KREMEN1: variants seen among roughly 807,000 people sequenced by gnomAD.
The protein encoded by KREMEN1 is kremen protein 1.
A neutral mutation model predicts 46.5 loss-of-function variants in KREMEN1; 30 were observed. The ratio of observed to expected loss-of-function variants is 0.65; its 90% CI spans 0.48 to 0.88. The LOEUF (loss-of-function observed/expected upper bound fraction) is 0.88. KREMEN1 is among the 40% of genes least tolerant of loss of function. The pLI is 0.00. For missense variants in KREMEN1, 533 were observed against 596.9 expected (o/e 0.89, Z 1.11); for synonymous variants, 214 against 230.6 (o/e 0.93, Z 0.65).
At chr22:29,138,021 G>A (rs1311195920) in intron 6 of KREMEN1, among the ~76,000 whole-genome samples, 1 of 152,222 alleles carries the variant, frequency 6.6e-6, no homozygotes, top group African/African-American at 2.4e-5. Flanking sequence ...CATCTGGTCC[G>A]TCCTCCTTCC....
chr22:29,103,539 T>C (rs919905260), intron 3 of KREMEN1, among the ~76,000 whole-genome samples: 2 of 152,228 alleles, frequency 1.3e-5, no homozygotes, highest in Non-Finnish European at 2.9e-5. Flanking sequence ...CCAGAATGTT[T>C]CTCAGAAACC....
In KREMEN1 at chr22:29,145,459, G is replaced by A. The variant is rs734950; in HGVS notation, c.*3347G>A. ...CGTGCCATCCTCACCCCTGTTCCCCGCTGGCGCCAGGCCCTGCCTTCTTGG... is the reference window on the plus strand; with the variant it reads ...CGTGCCATCCTCACCCCTGTTCCCCACTGGCGCCAGGCCCTGCCTTCTTGG... On this transcript the variant is annotated 3_prime_UTR_variant, in exon 9 of 9. Transcript: ENST00000400335. 250,680 of 985,400 alleles carry A rather than the reference G, an allele frequency of 0.25. 34,023 individuals are homozygous for A. Among genetic ancestry groups the A allele is most frequent in the East Asian group, 0.57 (4,975 of 8,784 alleles). 61.0% of individuals were successfully genotyped at this position (985,400 alleles called of 1,614,324 possible).
intron 9 of KREMEN1, among the ~76,000 whole-genome samples, chr22:29,164,757 C>CA (rs1221123419): frequency 3.1e-4 from 40 of 129,398 alleles, no homozygotes; most frequent in East Asian, 1.3e-3. Context: ...AAAAAAAAAA[C>CA]AAAAAAAAAA....
Position 29,073,237 on chromosome 22 carries a change from A to G in KREMEN1, c.97+10A>G. 2 of 1,131,392 alleles carry G rather than the reference A, an allele frequency of 1.8e-6. No individual in the cohort carries two copies. Among genetic ancestry groups the G allele is most frequent in the Middle Eastern group, 3.4e-4 (1 of 2,914 alleles). The allele number at this position is 1,131,392 out of a possible 1,614,324, so 70.1% of individuals were successfully genotyped here. On this transcript the variant is annotated intron_variant, in intron 1 of 8. Transcript: ENST00000400335. The surrounding 1 kb of genome is among the most constrained non-coding windows in gnomAD (Gnocchi z 4.4). ...CTCGGCCCCGGACCCGGTGAGTGTG[A>G]GCGACCCCCCGCCGCCCGCCCTGAG...
At chr22:29,147,637 T>C (rs1032169555), downstream of KREMEN1, among the ~76,000 whole-genome samples, 1 of 152,184 alleles carries the variant, frequency 6.6e-6, no homozygotes, top group Non-Finnish European at 1.5e-5. Flanking sequence ...TTAGAAAGCA[T>C]TCCTCCTTGC....
chr22:29,128,441 A>G (rs2038479511), intron 5 of KREMEN1, among the ~76,000 whole-genome samples: 2 of 152,188 alleles, frequency 1.3e-5, no homozygotes, highest in African/African-American at 4.8e-5. Flanking sequence ...GAATTAGTAC[A>G]TTTTTATTGG....
intron 3 of KREMEN1, among the ~76,000 whole-genome samples, chr22:29,112,950 A>AG (rs134682): frequency 1 from 152,302 of 152,304 alleles, 76,150 homozygotes; most frequent in Non-Finnish European, 1. Context: ...GACAAGTCAG[A>AG]GGCAGTGGCC....
At chr22:29,111,613 C>CAAAA (rs33999396) in intron 3 of KREMEN1, 1 of 88,950 alleles carries the variant, frequency 1.1e-5, no homozygotes, top group Non-Finnish European at 2.1e-5. Context: ...GACTCCGTCT[C>CAAAA]AAAAAAAAAA....
At chr22:29,108,324 A>G (rs1338441371) in intron 3 of KREMEN1, among the ~76,000 whole-genome samples, 1 of 152,220 alleles carries the variant, frequency 6.6e-6, no homozygotes, top group Non-Finnish European at 1.5e-5. Flanking sequence ...ATGAAGTCTT[A>G]TCTCTTCCTC....
intron 3 of KREMEN1, among the ~76,000 whole-genome samples, chr22:29,115,916 G>A (rs1010838516): frequency 8.5e-5 from 13 of 152,200 alleles, no homozygotes; most frequent in African/African-American, 3.1e-4. Flanking sequence ...GTGAGCTGAA[G>A]GGTAGACAGG....
In KREMEN1 at chr22:29,144,222, C is replaced by T; in HGVS notation, c.*2110C>T. The T allele has an allele frequency of 2.0e-6, 2 of 985,570 alleles. No homozygotes were observed. Among genetic ancestry groups the T allele is most frequent in the Non-Finnish European group, 2.4e-6 (2 of 830,024 alleles). The allele number at this position is 985,570 out of a possible 1,614,324, so 61.1% of individuals were successfully genotyped here. On this transcript the variant is annotated 3_prime_UTR_variant, in exon 9 of 9. Coordinates refer to ENST00000400335, the MANE Select transcript of KREMEN1 (RefSeq NM_001039570.3). ...AGCCCTGAGCCACTGCCTGCTGGGG[C>T]TCCTACTGAGGTTCTGGAAACACCT...
chr22:29,157,339 T>C (rs1485873502), intron 9 of KREMEN1, among the ~76,000 whole-genome samples: 1 of 151,470 alleles, frequency 6.6e-6, no homozygotes, highest in Non-Finnish European at 1.5e-5. Context: ...CATGACTTTG[T>C]TTTTCGTTGT....
chr22:29,152,091 A>G (rs469981), intron 9 of KREMEN1, among the ~76,000 whole-genome samples: 143,008 of 151,672 alleles, frequency 0.94, 67,455 homozygotes, highest in East Asian at 1. Flanking sequence ...CAAGATGGGT[A>G]CATTTAAATT....
At chr22:29,120,508 G>A (rs1300186936) in intron 3 of KREMEN1, among the ~76,000 whole-genome samples, 4 of 133,786 alleles carry the variant, frequency 3.0e-5, no homozygotes, top group Admixed American at 7.4e-5. Flanking sequence ...TAAAGGAAAC[G>A]GAGGAGGGAG....
rs142911810 is a variant in KREMEN1 at position 29,075,660 on chromosome 22, A to G, written c.97+2433A>G. Reference sequence around the variant, plus strand: ...TGGTCTTCACCAACACATCCTGTCTAGATCCTACTCACTAGCTTTTAAAAT... The same window carrying G: ...TGGTCTTCACCAACACATCCTGTCTGGATCCTACTCACTAGCTTTTAAAAT... On this transcript the variant is annotated intron_variant, in intron 1 of 8. Transcript: ENST00000400335. Among the ~76,000 whole-genome samples, 141 of 152,242 alleles carry G rather than the reference A, an allele frequency of 9.3e-4. 1 individual carries two copies. The highest frequency in any genetic ancestry group is 3.1e-3 in the African/African-American group (127 of 41,526).
chr22:29,108,243 C>T (rs79126717), intron 3 of KREMEN1, among the ~76,000 whole-genome samples: 2,102 of 152,316 alleles, frequency 0.014, 56 homozygotes, highest in African/African-American at 0.048. Context: ...GCCTAGATTG[C>T]GCCATTGCAC....
intron 1 of KREMEN1, among the ~76,000 whole-genome samples, chr22:29,084,294 C>T (rs1199747611): frequency 6.8e-6 from 1 of 148,140 alleles, no homozygotes; most frequent in Non-Finnish European, 1.5e-5. Flanking sequence ...TTGTGCTGGC[C>T]TCCTATCTTA....
intron 5 of KREMEN1, among the ~76,000 whole-genome samples, chr22:29,126,373 T>C (rs2038442487): frequency 6.6e-6 from 1 of 152,218 alleles, no homozygotes; most frequent in Admixed American, 6.5e-5. Flanking sequence ...TCAGCAGGGC[T>C]GTGCTCTCTC....
At chr22:29,092,916 G>A (rs2037825589) in intron 1 of KREMEN1, among the ~76,000 whole-genome samples, 1 of 152,124 alleles carries the variant, frequency 6.6e-6, no homozygotes. Context: ...CGGAGGTTGT[G>A]GTGAGCCAAG....
Sources: allele counts gnomAD v4.1 joint callset (sites outside exome capture counted in the v4.1 genomes callset), GRCh38; gene constraint gnomAD v4.1.1; non-coding constraint Gnocchi (gnomAD v3.1); transcripts MANE v1.5; gene names NCBI Gene and HGNC (gene_info 2026-07-23, HGNC 2026-07-21).